SRPK2: variants seen among roughly 807,000 people sequenced by gnomAD.
SRPK2 encodes the protein SRSF protein kinase 2, also known as SFRS protein kinase 2.
A neutral mutation model predicts 90.8 loss-of-function variants in SRPK2; 21 were observed. That is an observed-to-expected ratio of 0.23 (90% CI 0.16 to 0.33). The LOEUF (loss-of-function observed/expected upper bound fraction) is 0.33. SRPK2 is among the 10% of genes least tolerant of loss of function. The pLI, the probability that SRPK2 is intolerant of heterozygous loss-of-function variation, is 1.00. For missense variants in SRPK2, 620 were observed against 869.0 expected (o/e 0.71, Z 3.60); for synonymous variants, 288 against 311.1 (o/e 0.93, Z 0.78).
chr7:105,291,762 G>C (rs191024058), intron 2 of SRPK2, among the ~76,000 whole-genome samples: 35 of 151,862 alleles, frequency 2.3e-4, no homozygotes, highest in African/African-American at 8.0e-4. Flanking sequence ...ATAAAATAAA[G>C]GCAGAGAAAA....
intron 3 of SRPK2, among the ~76,000 whole-genome samples, chr7:105,187,471 G>C (rs1793734401): frequency 6.6e-6 from 1 of 152,126 alleles, no homozygotes; most frequent in Admixed American, 6.5e-5. Flanking sequence ...CTTGACATCT[G>C]CCTGACTCAT....
intron 2 of SRPK2, among the ~76,000 whole-genome samples, chr7:105,289,046 GGAGATC>G (rs1276835121): frequency 6.7e-6 from 1 of 150,272 alleles, no homozygotes; most frequent in Non-Finnish European, 1.5e-5. Context: ...CACAAGGTCA[GGAGATC>G]GAGACCGTCT....
intron 2 of SRPK2, among the ~76,000 whole-genome samples, chr7:105,265,871 A>T (rs1165581893): frequency 6.6e-6 from 1 of 152,108 alleles, no homozygotes; most frequent in Non-Finnish European, 1.5e-5. Flanking sequence ...ATTTTTTTTA[A>T]AAAATTCATT....
intron 7 of SRPK2, among the ~76,000 whole-genome samples, chr7:105,149,657 A>G (rs1232448980): frequency 2.0e-5 from 3 of 151,936 alleles, no homozygotes; most frequent in Non-Finnish European, 4.4e-5. Context: ...GGGGCAGGCC[A>G]CTCCTTCAAT....
At chr7:105,320,003 T>C (rs1812765409) in intron 2 of SRPK2, among the ~76,000 whole-genome samples, 1 of 152,102 alleles carries the variant, frequency 6.6e-6, no homozygotes, top group Non-Finnish European at 1.5e-5. Context: ...TCAGCTGAAG[T>C]TTTTCTGTTA....
chr7:105,257,315 T>C (rs998436539), intron 2 of SRPK2, among the ~76,000 whole-genome samples: 2 of 152,244 alleles, frequency 1.3e-5, no homozygotes, highest in African/African-American at 4.8e-5. Context: ...GTTTTTATTG[T>C]TGCTATTGTT....
intron 3 of SRPK2, among the ~76,000 whole-genome samples, chr7:105,181,874 A>AG (rs1792865154): frequency 7.1e-6 from 1 of 141,298 alleles, no homozygotes; most frequent in African/African-American, 2.6e-5. Flanking sequence ...TGAACCTAAG[A>AG]TAAAAGTAAA....
intron 2 of SRPK2, among the ~76,000 whole-genome samples, chr7:105,295,188 G>C (rs1809623361): frequency 6.8e-6 from 1 of 146,074 alleles, no homozygotes; most frequent in Non-Finnish European, 1.5e-5. Context: ...CCCAGCCTGG[G>C]TGACAGAGCG....
intron 2 of SRPK2, among the ~76,000 whole-genome samples, chr7:105,247,529 TAAACAC>T (rs1801849599): frequency 2.2e-5 from 1 of 46,196 alleles, no homozygotes; most frequent in East Asian, 5.5e-4. Flanking sequence ...CACACACACA[TAAACAC>T]ACACACACAC....
chr7:105,327,322 T>C (rs1813709815), intron 2 of SRPK2, among the ~76,000 whole-genome samples: 1 of 152,236 alleles, frequency 6.6e-6, no homozygotes, highest in African/African-American at 2.4e-5. Context: ...AACACAATCA[T>C]GCTCATTTGT....
At chr7:105,396,668 G>C (rs1158438921) in intron 1 of SRPK2, among the ~76,000 whole-genome samples, 1 of 143,792 alleles carries the variant, frequency 7.0e-6, no homozygotes, top group Non-Finnish European at 1.5e-5. Context: ...AAAAGAAGAA[G>C]AAGAGGAAGA....
At chr7:105,359,988 T>C (rs551123152) in intron 2 of SRPK2, among the ~76,000 whole-genome samples, 1 of 152,288 alleles carries the variant, frequency 6.6e-6, no homozygotes, top group East Asian at 1.9e-4. Context: ...TGTTAAAGTC[T>C]CCCATTATTA....
In SRPK2 at chr7:105,357,553, A is replaced by G. The variant is rs561493133; in HGVS notation, c.71+31095T>C. ...GAGGTCAGGAGTTCAGGACCAGCCT[A>G]GCCAACATGGTGAAACCCCATCTCT... On this transcript the variant is annotated intron_variant, in intron 2 of 15. Coordinates refer to ENST00000393651, the MANE Select transcript of SRPK2 (RefSeq NM_182692.3). 1.7e-4 allele frequency among the ~76,000 whole-genome samples: 26 copies of G among 152,028 alleles called. No homozygotes were observed. In the South Asian group the frequency reaches 1.9e-3, roughly 11 times the overall value.
intron 2 of SRPK2, among the ~76,000 whole-genome samples, chr7:105,231,845 C>T (rs927223083): frequency 3.9e-5 from 6 of 152,034 alleles, no homozygotes; most frequent in Non-Finnish European, 8.8e-5. Context: ...ATATTTTCTC[C>T]CATTCTGTAG....
At chr7:105,328,646 C>T (rs1463527761) in intron 2 of SRPK2, among the ~76,000 whole-genome samples, 1 of 150,638 alleles carries the variant, frequency 6.6e-6, no homozygotes, top group Non-Finnish European at 1.5e-5. Context: ...GGGTGGATCA[C>T]AAGGTCAGGA....
chr7:105,271,735 T>G (rs1805860552), intron 2 of SRPK2, among the ~76,000 whole-genome samples: 1 of 152,214 alleles, frequency 6.6e-6, no homozygotes, highest in African/African-American at 2.4e-5. Flanking sequence ...TCCGTTCCCT[T>G]GACCATGCTC....
intron 2 of SRPK2, among the ~76,000 whole-genome samples, chr7:105,217,696 G>T (rs769805659): frequency 2.0e-5 from 3 of 152,100 alleles, no homozygotes; most frequent in African/African-American, 4.8e-5. Flanking sequence ...TTATTTACTT[G>T]TTCAAGAAAT....
At chr7:105,281,668 T>A (rs11765045) in intron 2 of SRPK2, among the ~76,000 whole-genome samples, 104,457 of 145,364 alleles carry the variant, frequency 0.72, 37,177 homozygotes, top group African/African-American at 0.81. Context: ...GTTGCTAAGG[T>A]AAAAAAAAAA....
Position 105,344,406 on chromosome 7 carries a change from CCTTTTTTTT to C in SRPK2, c.71+44233_71+44241del, listed in dbSNP as rs1172941126. ...AGGACCCCAGGTGTATGCAGCCACA[CCTTTTTTTT>C]TTTTTTTTTTTTTTTTTTGGTAGAG... is the stretch of plus-strand genomic sequence containing the variant. On this transcript the variant is annotated intron_variant, in intron 2 of 15. Transcript: ENST00000393651. 4.1e-4 allele frequency among the ~76,000 whole-genome samples: 53 copies of C among 128,640 alleles called. No individual in the cohort carries two copies. In the East Asian group the frequency reaches 4.7e-3, roughly 11 times the overall value. The allele number at this position is 128,640 out of a possible 152,430, so 84.4% of individuals were successfully genotyped here.
Sources: allele counts gnomAD v4.1 joint callset (sites outside exome capture counted in the v4.1 genomes callset), GRCh38; gene constraint gnomAD v4.1.1; transcripts MANE v1.5; gene names NCBI Gene and HGNC (gene_info 2026-07-23, HGNC 2026-07-21).